Variants in PGS1 observed in about 807,000 individuals in gnomAD.
The protein encoded by PGS1 is CDP-diacylglycerol--glycerol-3-phosphate 3-phosphatidyltransferase, mitochondrial.
Under a neutral mutation model 58.3 loss-of-function variants are expected in PGS1, and 44 were observed. The ratio of observed to expected loss-of-function variants is 0.75; its 90% CI spans 0.59 to 0.97. The LOEUF is 0.97. Among genes scored for constraint, PGS1 ranks in the 50% least tolerant of loss-of-function variants. The probability of loss-of-function intolerance (pLI) is 0.00; values close to 1 mark genes in which losing one functional copy is unlikely to be tolerated. For missense variants in PGS1, 684 were observed against 731.1 expected (o/e 0.94, Z 0.74); for synonymous variants, 330 against 311.0 (o/e 1.06, Z -0.64).
intron 3 of PGS1, among the ~76,000 whole-genome samples, chr17:78,397,593 C>CCCA (rs1555631835): frequency 3.5e-4 from 46 of 130,662 alleles, no homozygotes; most frequent in Non-Finnish European, 6.9e-4. Context: ...TGCGCCACCC[C>CCCA]CCCAGCTAAT....
intron 8 of PGS1, 93 bp downstream of exon 8, chr17:78,415,120 T>C: frequency 2.1e-6 from 3 of 1,432,326 alleles, no homozygotes; most frequent in South Asian, 2.4e-5. Context: ...GAGAGCTGTT[T>C]CCTGAGGCAA....
At chr17:78,415,053 C>T (rs1352390938) in intron 8 of PGS1, 26 bp downstream of exon 8, 1 of 1,591,808 alleles carries the variant, frequency 6.3e-7, no homozygotes, top group African/African-American at 1.4e-5. Flanking sequence ...TGGGATTTCC[C>T]AGGGCGCTGA....
chr17:78,382,214 TA>T, intron 1 of PGS1, among the ~76,000 whole-genome samples: 1 of 152,078 alleles, frequency 6.6e-6, no homozygotes, highest in East Asian at 1.9e-4. Flanking sequence ...AGGAGCTGAC[TA>T]GGGGTACCGA....
At position 78,399,349 on chromosome 17, in the gene PGS1, C is replaced by T. The variant is rs2292642; in HGVS notation, c.513C>T (p.Gly171=). The T allele has an allele frequency of 0.61, 976,629 of 1,605,772 alleles. 298,897 individuals carry two copies. Among genetic ancestry groups the T allele is most frequent in the Middle Eastern group, 0.67 (4,057 of 6,036 alleles). The change falls in exon 5 of 10, where the codon GGC becomes GGT. Residue 171 remains glycine, a splice_region_variant and synonymous_variant. Coordinates refer to ENST00000262764, the MANE Select transcript of PGS1 (RefSeq NM_024419.5). ...ILLDFTRGSR[G]RKNSRTMLLP... is the part of the protein sequence containing the mutation. ...GCCGTTTTCTCTGTCCGTGTTCAGGCCGGAAGAACTCCCGCACAATGCTGC... is the reference window on the plus strand; with the variant it reads ...GCCGTTTTCTCTGTCCGTGTTCAGGTCGGAAGAACTCCCGCACAATGCTGC...
At chr17:78,383,648 C>T (rs1384900311) in intron 1 of PGS1, among the ~76,000 whole-genome samples, 1 of 152,184 alleles carries the variant, frequency 6.6e-6, no homozygotes, top group Non-Finnish European at 1.5e-5. Flanking sequence ...TTCGGTCTTC[C>T]TTACTCTTCA....
At chr17:78,414,747 C>T (rs1036425720) in intron 7 of PGS1, 132 bp from the exon 8 acceptor site, 12 of 997,864 alleles carry the variant, frequency 1.2e-5, no homozygotes, top group African/African-American at 4.8e-5. Context: ...GCCTGTCCGC[C>T]GCTCTGCAGC....
At chr17:78,422,512 C>G (rs2085935639) in intron 9 of PGS1, among the ~76,000 whole-genome samples, 1 of 151,972 alleles carries the variant, frequency 6.6e-6, no homozygotes, top group Non-Finnish European at 1.5e-5. Flanking sequence ...TTTTTTCCCC[C>G]TTTTGAGACA....
At chr17:78,396,232 C>G (rs2083219578) in intron 2 of PGS1, 76 bp from the exon 3 acceptor site, 2 of 1,112,070 alleles carry the variant, frequency 1.8e-6, no homozygotes, top group African/African-American at 1.5e-5. Flanking sequence ...ATTTGCCTCC[C>G]AGGTCAAAGG....
rs1014756479 is a variant in PGS1, at chr17:78,420,187, G to A, written c.*10+512G>A. 8.0e-6 allele frequency: 8 copies of A among 1,000,248 alleles called. No individual in the cohort carries two copies. In the African/African-American group the frequency reaches 1.0e-4, roughly 13 times the overall value. The allele number at this position is 1,000,248 out of a possible 1,614,324, so 62.0% of individuals were successfully genotyped here. On this transcript the variant is annotated intron_variant, in intron 9 of 9. Coordinates refer to ENST00000262764, the MANE Select transcript of PGS1 (RefSeq NM_024419.5). ...CCGTGGGCTGCTGCCTGGACGCCTC[G>A]CTGACATCCCTGTGCTGCGGTTACA...
chr17:78,409,967 C>T (rs780644518), intron 7 of PGS1, among the ~76,000 whole-genome samples: 86 of 152,014 alleles, frequency 5.7e-4, no homozygotes, highest in South Asian at 4.2e-4. Flanking sequence ...AAAAATTAGC[C>T]GGGTGTGGTG....
Position 78,403,877 on chromosome 17 carries a change from A to G in PGS1, c.1190A>G (p.Asp397Gly). The G allele has an allele frequency of 6.2e-7, 1 of 1,614,132 alleles. No homozygotes were observed. Among genetic ancestry groups the G allele is most frequent in the Non-Finnish European group, 8.5e-7 (1 of 1,179,948 alleles). Residue 397 changes from aspartate to glycine, a missense_variant, in exon 7 of 10, where the codon GAC becomes GGC. Transcript: ENST00000262764. ...TTCAACCTGACCCAGGCCTACATGG[A>G]CCTGGTCTTGGGCACTCGGGCTGAG... The part of the protein sequence containing the change: ...GYFNLTQAYM[D>G]LVLGTRAEYQ...
intron 9 of PGS1, chr17:78,420,767 CAA>C (rs1164584910): frequency 6.6e-6 from 1 of 151,402 alleles, no homozygotes; most frequent in East Asian, 1.9e-4. Context: ...GAGAGTAAAA[CAA>C]TACTGCGGCC....
chr17:78,403,842 C>T lies in PGS1; in HGVS notation c.1155C>T (p.Thr385=). ...AGCGCGGGGCAAAGGTCTACCTCACCACTGGCTATTTCAACCTGACCCAGG... is the reference window on the plus strand; with the variant it reads ...AGCGCGGGGCAAAGGTCTACCTCACTACTGGCTATTTCAACCTGACCCAGG... The part of the protein sequence containing the change: ...EAERGAKVYL[T]TGYFNLTQAY... The change falls in exon 7 of 10, where the codon ACC becomes ACT. Residue 385 remains threonine (T), a synonymous_variant. Coordinates refer to ENST00000262764, the MANE Select transcript of PGS1 (RefSeq NM_024419.5). The T allele has an allele frequency of 6.2e-7, 1 of 1,614,254 alleles. No individual in the cohort carries two copies. The highest frequency in any genetic ancestry group is 8.5e-7 in the Non-Finnish European group (1 of 1,180,048).
intron 2 of PGS1, among the ~76,000 whole-genome samples, chr17:78,395,903 C>T (rs560853670): frequency 5.3e-5 from 8 of 152,290 alleles, no homozygotes; most frequent in South Asian, 4.1e-4. Context: ...CATGGCGTGG[C>T]TAATCTTTAT....
chr17:78,394,665 C>T (rs1256521332), intron 2 of PGS1, among the ~76,000 whole-genome samples: 1 of 151,932 alleles, frequency 6.6e-6, no homozygotes, highest in Non-Finnish European at 1.5e-5. Flanking sequence ...AAGTGATTCT[C>T]CTGCCTCAGC....
At chr17:78,413,011 G>A (rs950360036) in intron 7 of PGS1, among the ~76,000 whole-genome samples, 1 of 152,216 alleles carries the variant, frequency 6.6e-6, no homozygotes, top group Non-Finnish European at 1.5e-5. Flanking sequence ...GACCAACCTG[G>A]GCAGCGTGAG....
intron 7 of PGS1, among the ~76,000 whole-genome samples, chr17:78,408,628 G>A (rs2084361785): frequency 6.6e-6 from 1 of 152,210 alleles, no homozygotes; most frequent in South Asian, 2.1e-4. Context: ...TTGGTGCCGT[G>A]TCTCTGGCCT....
intron 2 of PGS1, among the ~76,000 whole-genome samples, chr17:78,394,586 G>C (rs1052726722): frequency 6.6e-6 from 1 of 151,020 alleles, no homozygotes; most frequent in South Asian, 2.1e-4. Context: ...ACGGAGTTTC[G>C]CTCTCGTTGC....
intron 1 of PGS1, among the ~76,000 whole-genome samples, chr17:78,382,096 T>C (rs967775125): frequency 2.1e-4 from 32 of 151,534 alleles, no homozygotes; most frequent in Non-Finnish European, 4.4e-4. Context: ...GGGGTCGGAG[T>C]AGTTAGGCTC....
Sources: allele counts gnomAD v4.1 joint callset (sites outside exome capture counted in the v4.1 genomes callset), GRCh38; gene constraint gnomAD v4.1.1; transcripts MANE v1.5; gene names NCBI Gene and HGNC (gene_info 2026-07-23, HGNC 2026-07-21).